The following DAB1 variants were observed in gnomAD, a reference collection of about 807,000 sequenced individuals.
The protein encoded by DAB1 is disabled homolog 1.
In DAB1, 15 loss-of-function variants were observed where a neutral mutation model predicts 64.6. The ratio of observed to expected loss-of-function variants is 0.23; its 90% CI spans 0.16 to 0.36. The LOEUF is 0.36. Ranked by LOEUF, DAB1 falls within the 10% of genes least tolerant of loss-of-function variation. The probability of loss-of-function intolerance (pLI) is 1.00; values close to 1 mark genes in which losing one functional copy is unlikely to be tolerated. For missense variants in DAB1, 596 were observed against 706.7 expected (o/e 0.84, Z 1.78); for synonymous variants, 235 against 251.9 (o/e 0.93, Z 0.64).
chr1:57,093,520 T>C (rs1309848401), intron 4 of DAB1, among the ~76,000 whole-genome samples: 3 of 152,070 alleles, frequency 2.0e-5, no homozygotes, highest in Non-Finnish European at 4.4e-5. Flanking sequence ...AATAATAACA[T>C]ACAATTTCCT....
chr1:57,480,151 CA>C (rs745322461), intron 7 of DAB1, among the ~76,000 whole-genome samples: 257 of 100,516 alleles, frequency 2.6e-3, no homozygotes, highest in Admixed American at 2.6e-3. Context: ...AACTCCGTCT[CA>C]AAAAAAAAAA....
intron 6 of DAB1, among the ~76,000 whole-genome samples, chr1:57,662,713 C>G (rs765297138): frequency 5.3e-5 from 8 of 152,304 alleles, no homozygotes; most frequent in Non-Finnish European, 8.8e-5. Context: ...TTAGTATAGT[C>G]CAGATAGGCA....
chr1:57,454,530 G>T (rs1686508173), intron 7 of DAB1, among the ~76,000 whole-genome samples: 1 of 152,030 alleles, frequency 6.6e-6, no homozygotes, highest in Non-Finnish European at 1.5e-5. Flanking sequence ...AGGAGGGACA[G>T]GATCAGAAAA....
chr1:57,917,591 G>A (rs927594465), intron 5 of DAB1, among the ~76,000 whole-genome samples: 1 of 151,234 alleles, frequency 6.6e-6, no homozygotes, highest in African/African-American at 2.5e-5. Context: ...TTCCCCCTTA[G>A]AGAGACATGT....
Position 57,854,186 on chromosome 1 carries a change from C to T in DAB1, n.88-27731G>A, listed in dbSNP as rs555630615. ...TAAATAATTATTACTCAGTGTACTA[C>T]TGTGTCTAAAAATTAAGGGTAATTA... is the stretch of plus-strand genomic sequence containing the variant. On this transcript the variant is annotated intron_variant and non_coding_transcript_variant, in intron 1 of 1. Coordinates refer to the DAB1 transcript ENST00000477280. Among the ~76,000 whole-genome samples the T allele has an allele frequency of 3.3e-5, 5 of 152,330 alleles. No homozygotes were observed. The South Asian group carries it at 1.0e-3, about 32-fold the overall frequency.
intron 5 of DAB1, among the ~76,000 whole-genome samples, chr1:57,959,459 T>A (rs895231834): frequency 6.6e-6 from 1 of 152,218 alleles, no homozygotes; most frequent in African/African-American, 2.4e-5. Context: ...TTACAGGGCA[T>A]TTTCACATCC....
At chr1:57,759,839 TAC>T (rs555768102) in intron 6 of DAB1, among the ~76,000 whole-genome samples, 182 of 152,242 alleles carry the variant, frequency 1.2e-3, no homozygotes, top group South Asian at 8.1e-3. Context: ...ATGTGTAACT[TAC>T]ACGCAATTGT....
At chr1:57,530,913 A>G (rs989921236) in intron 7 of DAB1, among the ~76,000 whole-genome samples, 2 of 152,208 alleles carry the variant, frequency 1.3e-5, no homozygotes, top group African/African-American at 4.8e-5. Flanking sequence ...GTTCAAGGCT[A>G]GGCTCCTCTT....
At chr1:57,212,658 C>T (rs1440885990) in intron 2 of DAB1, among the ~76,000 whole-genome samples, 10 of 152,046 alleles carry the variant, frequency 6.6e-5, no homozygotes, top group Admixed American at 5.2e-4. Context: ...TGAGCCACCG[C>T]GCCCCGCCTT....
intron 5 of DAB1, among the ~76,000 whole-genome samples, chr1:58,008,258 C>T (rs1646615463): frequency 6.6e-6 from 1 of 152,160 alleles, no homozygotes; most frequent in Non-Finnish European, 1.5e-5. Flanking sequence ...CACCACACTC[C>T]TAATTCCCGG....
chr1:57,427,984 A>G (rs1685353086), upstream of DAB1, among the ~76,000 whole-genome samples: 1 of 152,114 alleles, frequency 6.6e-6, no homozygotes, highest in South Asian at 2.1e-4. Flanking sequence ...CCTGACCAAC[A>G]TGGTGAAACC....
At chr1:58,348,054 T>G (rs1370808052) in intron 3 of DAB1, among the ~76,000 whole-genome samples, 1 of 152,194 alleles carries the variant, frequency 6.6e-6, no homozygotes, top group African/African-American at 2.4e-5. Flanking sequence ...GAAGAGGTAG[T>G]GGCTTCTTAT....
At chr1:58,255,206 G>C (rs1226366439) in intron 4 of DAB1, among the ~76,000 whole-genome samples, 1 of 148,534 alleles carries the variant, frequency 6.7e-6, no homozygotes, top group Non-Finnish European at 1.5e-5. Flanking sequence ...CTTCTTTTGA[G>C]AAGTGTCTGT....
chr1:57,720,839 A>C (rs1232419415), intron 6 of DAB1, among the ~76,000 whole-genome samples: 1 of 152,028 alleles, frequency 6.6e-6, no homozygotes, highest in Non-Finnish European at 1.5e-5. Flanking sequence ...TAGAGGTTTT[A>C]AATATTTAAA....
intron 5 of DAB1, among the ~76,000 whole-genome samples, chr1:58,032,776 T>A (rs1384437518): frequency 6.6e-6 from 1 of 152,196 alleles, no homozygotes. Flanking sequence ...CACACTACCT[T>A]CAGGGTGAAA....
At chr1:57,229,728 G>A (rs1007570698) in intron 2 of DAB1, among the ~76,000 whole-genome samples, 6 of 152,152 alleles carry the variant, frequency 3.9e-5, no homozygotes, top group Non-Finnish European at 8.8e-5. Flanking sequence ...GGACTATATG[G>A]CCATTTGAAT....
At chr1:57,889,183 C>T (rs1056144685) in intron 5 of DAB1, among the ~76,000 whole-genome samples, 3 of 152,228 alleles carry the variant, frequency 2.0e-5, no homozygotes, top group Non-Finnish European at 4.4e-5. Flanking sequence ...GTAAAGTAGG[C>T]ACTCTATAAT....
intron 9 of DAB1, among the ~76,000 whole-genome samples, chr1:57,047,574 C>T (rs893414118): frequency 6.6e-6 from 1 of 152,116 alleles, no homozygotes; most frequent in Non-Finnish European, 1.5e-5. Flanking sequence ...TGGTCTACAA[C>T]CCCAGGAGAG....
intron 7 of DAB1, among the ~76,000 whole-genome samples, chr1:57,464,919 C>A (rs1053430332): frequency 8.6e-5 from 13 of 151,028 alleles, no homozygotes; most frequent in Admixed American, 3.3e-4. Flanking sequence ...ATAATCAATT[C>A]CAGAGATAAC....
Sources: gnomAD v4.1 joint callset for allele counts (sites outside exome capture counted in the v4.1 genomes callset) on GRCh38, gnomAD v4.1.1 for gene constraint, MANE v1.5 for transcripts, NCBI Gene and HGNC (gene_info 2026-07-23, HGNC 2026-07-21) for gene names.